The following LAMB1 variants were observed in gnomAD, a reference collection of about 807,000 sequenced individuals.
The protein encoded by LAMB1 is laminin subunit beta-1.
Under a neutral mutation model 222.3 loss-of-function variants are expected in LAMB1, and 121 were observed. The observed-to-expected ratio is 0.54, with a 90% CI of 0.47 to 0.63. The LOEUF (loss-of-function observed/expected upper bound fraction) is 0.63, where lower values mean the gene tolerates loss of function less well. LAMB1 is among the 30% of genes least tolerant of loss of function. The pLI is 0.00. For missense variants in LAMB1, 2,172 were observed against 2,240.8 expected, an observed-to-expected ratio of 0.97 and a Z score of 0.62; for synonymous variants, 794 against 807.2, an observed-to-expected ratio of 0.98 and a Z score of 0.28.
intron 24 of LAMB1, among the ~76,000 whole-genome samples, chr7:107,945,489 G>A (rs1276186390): frequency 1.3e-5 from 2 of 152,216 alleles, no homozygotes; most frequent in South Asian, 2.1e-4. Context: ...AGCTGAGACT[G>A]TTTCCCGAGG....
At chr7:107,948,322 T>C (rs965619088) in intron 24 of LAMB1, among the ~76,000 whole-genome samples, 1 of 152,124 alleles carries the variant, frequency 6.6e-6, no homozygotes, top group Non-Finnish European at 1.5e-5. Context: ...AAGTATGCAA[T>C]GAGGTCAGTT....
chr7:107,940,751 G>C (rs2116355712), intron 24 of LAMB1, among the ~76,000 whole-genome samples: 1 of 152,236 alleles, frequency 6.6e-6, no homozygotes, highest in Non-Finnish European at 1.5e-5. Flanking sequence ...TCAGTTCTTT[G>C]CAACTCCGGA....
intron 9 of LAMB1, 72 bp from the exon 10 acceptor site, chr7:107,975,949 A>AGAT: frequency 7.4e-7 from 1 of 1,354,864 alleles, no homozygotes; most frequent in East Asian, 2.4e-5. Context: ...GGTGGCAGGA[A>AGAT]GATCCTTTAG....
At chr7:107,975,923 A>T in intron 9 of LAMB1, 46 bp from the exon 10 acceptor site, 2 of 1,539,966 alleles carry the variant, frequency 1.3e-6, no homozygotes, top group South Asian at 2.4e-5. Flanking sequence ...AAATCTATGG[A>T]CCAATGGAGG....
At chr7:107,937,573 A>G (rs1414298619) in intron 25 of LAMB1, among the ~76,000 whole-genome samples, 1 of 152,206 alleles carries the variant, frequency 6.6e-6, no homozygotes, top group Non-Finnish European at 1.5e-5. Flanking sequence ...CACAGGTCAG[A>G]GTGTGGAGTT....
At chr7:107,943,171 A>G (rs979126298) in intron 24 of LAMB1, among the ~76,000 whole-genome samples, 6 of 152,242 alleles carry the variant, frequency 3.9e-5, no homozygotes, top group African/African-American at 9.6e-5. Flanking sequence ...AAACTATCCC[A>G]TGATGAAAAG....
chr7:107,993,550 T>C (rs934443391), intron 5 of LAMB1, among the ~76,000 whole-genome samples: 3 of 152,200 alleles, frequency 2.0e-5, no homozygotes, highest in Admixed American at 6.5e-5. Context: ...AGTATTCAAC[T>C]ACAAAACATG....
intron 13 of LAMB1, among the ~76,000 whole-genome samples, chr7:107,970,645 A>C (rs1488732509): frequency 1.3e-5 from 2 of 152,128 alleles, no homozygotes. Flanking sequence ...ACCAATGCCA[A>C]TTCTTTTTCA....
At chr7:107,999,944 G>C (rs975053665) in intron 3 of LAMB1, 3 of 152,014 alleles carry the variant, frequency 2.0e-5, no homozygotes, top group Non-Finnish European at 4.4e-5. Flanking sequence ...AACTTCTCTA[G>C]TAACGAACTA....
intron 20 of LAMB1, among the ~76,000 whole-genome samples, chr7:107,957,619 G>T (rs573902293): frequency 7.9e-5 from 12 of 152,272 alleles, no homozygotes; most frequent in African/African-American, 2.6e-4. Context: ...GCAGAATTGG[G>T]CCAGGAACTG....
rs1373221997 is a variant in LAMB1 at position 108,003,121 on chromosome 7, G to A, written c.-97C>T. 5 of 844,208 alleles carry A rather than the reference G, an allele frequency of 5.9e-6. No individual in the cohort carries two copies. The South Asian group carries it at 6.2e-5, about 11-fold the overall frequency. The allele number at this position is 844,208 out of a possible 1,614,324, so 52.3% of individuals were successfully genotyped here. A position where few individuals can be genotyped will look rare whatever the true frequency, so the allele number is the denominator to read the frequency against. Reference sequence around the variant, plus strand: ...CTTTGTTCTCCTCACCCGGCGACGCGAGCTCTCGCCCTGCTCCGGGAGCCC... The same window carrying A: ...CTTTGTTCTCCTCACCCGGCGACGCAAGCTCTCGCCCTGCTCCGGGAGCCC... On this transcript the variant is annotated 5_prime_UTR_variant, in exon 1 of 34. Coordinates refer to ENST00000222399, the MANE Select transcript of LAMB1 (RefSeq NM_002291.3).
chr7:107,935,347 G>GCTTTT, intron 27 of LAMB1, 68 bp downstream of exon 27: 1 of 1,171,420 alleles, frequency 8.5e-7, no homozygotes, highest in South Asian at 1.5e-5. Context: ...GTTTTTCTTT[G>GCTTTT]TTTTTTTTTT....
intron 24 of LAMB1, among the ~76,000 whole-genome samples, chr7:107,946,068 G>A (rs1001329001): frequency 6.6e-6 from 1 of 152,078 alleles, no homozygotes; most frequent in Admixed American, 6.5e-5. Flanking sequence ...CCTCCTTTTT[G>A]TTGGAAACTT....
chr7:107,971,553 G>A (rs190479225), intron 13 of LAMB1, among the ~76,000 whole-genome samples: 117 of 152,236 alleles, frequency 7.7e-4, no homozygotes, highest in East Asian at 1.4e-3. Flanking sequence ...CAGACTACAA[G>A]GCATCTTTAA....
At chr7:108,000,276 T>C (rs1030048656) in intron 3 of LAMB1, among the ~76,000 whole-genome samples, 1 of 152,118 alleles carries the variant, frequency 6.6e-6, no homozygotes, top group Non-Finnish European at 1.5e-5. Context: ...CATCTCTGTA[T>C]AAACCTGGAA....
chr7:107,962,994 G>C lies in LAMB1; in HGVS notation c.1768C>G (p.Arg590Gly), dbSNP rs764295585. The C allele has an allele frequency of 3.1e-6, 5 of 1,613,986 alleles. No individual in the cohort carries two copies. The highest frequency in any genetic ancestry group is 4.2e-6 in the Non-Finnish European group (5 of 1,179,888). Reference protein sequence around the residue: ...IPSWTGAGFVRVPEGAYLEFF... With the variant: ...IPSWTGAGFVGVPEGAYLEFF... ...TCCAAATAAGCCCCTTCAGGCACTCGGACGAAGCCGGCTCCAGTCCAGGAG... is the reference window on the plus strand; with the variant it reads ...TCCAAATAAGCCCCTTCAGGCACTCCGACGAAGCCGGCTCCAGTCCAGGAG... The change falls in exon 15 of 34, where the codon CGA (arginine) becomes GGA (glycine). Residue 590 changes from arginine to glycine, a missense_variant. By Grantham distance (125) the Arg-to-Gly change is moderately radical (BLOSUM62 -2). Coordinates refer to ENST00000222399, the MANE Select transcript of LAMB1 (RefSeq NM_002291.3).
Position 107,959,706 on chromosome 7 carries a change from G to C in LAMB1, c.2443C>G (p.Pro815Ala). ...RCAPGTFGFG[P>A]SGCKPCECHL... ...AGGAACCTACGTTTGCATCCACTGG[G>C]GCCAAAGCCAAAAGTTCCAGGTGCA... Residue 815 changes from proline to alanine, a missense_variant, in exon 19 of 34, where the codon CCC becomes GCC. By Grantham distance (27) the Pro-to-Ala change is conservative. Transcript: ENST00000222399. The C allele has an allele frequency of 6.2e-7, 1 of 1,614,148 alleles. No individual in the cohort carries two copies. The highest frequency in any genetic ancestry group is 8.5e-7 in the Non-Finnish European group (1 of 1,180,044).
Position 107,951,874 on chromosome 7 carries a change from A to G in LAMB1, c.3294+135T>C, listed in dbSNP as rs1485054369. On this transcript the variant is annotated intron_variant, in intron 23 of 33. Transcript: ENST00000222399. The stretch of plus-strand genomic sequence containing the variant: ...AGTTATGTAGACCCAGCCAAGGGGT[A>G]CAAATGAGGGCTAAGATCCAGGCCA... 8.4e-6 allele frequency: 6 copies of G among 715,492 alleles called. No individual in the cohort carries two copies. The South Asian group carries it at 9.1e-5, about 11-fold the overall frequency. 44.3% of individuals were successfully genotyped at this position (715,492 alleles called of 1,614,324 possible).
At position 107,975,875 on chromosome 7, in the gene LAMB1, A is replaced by G. The variant is rs1236862136; in HGVS notation, c.1003T>C (p.Cys335Arg). 1 of 1,613,508 alleles carries G rather than the reference A, an allele frequency of 6.2e-7. No homozygotes were observed. The highest frequency in any genetic ancestry group is 8.5e-7 in the Non-Finnish European group (1 of 1,179,740). The change falls in exon 10 of 34, where the codon TGT becomes CGT. Residue 335 changes from cysteine (C) to arginine (R), a missense_variant and splice_region_variant. Cys to Arg is a radical substitution (Grantham distance 180). Transcript: ENST00000222399. Reference protein sequence around the residue: ...EGRNSNACKKCNCNEHSISCH... With the variant: ...EGRNSNACKKRNCNEHSISCH... Reference sequence around the variant, plus strand: ...GAGATGGAATGTTCATTGCAGTTACATTCTGCGTGACAAGAGCAACGTCAA... The same window carrying G: ...GAGATGGAATGTTCATTGCAGTTACGTTCTGCGTGACAAGAGCAACGTCAA...
Sources: allele counts gnomAD v4.1 joint callset (sites outside exome capture counted in the v4.1 genomes callset), GRCh38; gene constraint gnomAD v4.1.1; transcripts MANE v1.5; gene names NCBI Gene and HGNC (gene_info 2026-07-23, HGNC 2026-07-21).